CRLS1: variants seen among roughly 807,000 people sequenced by gnomAD.
The protein encoded by CRLS1 is cardiolipin synthase (CMP-forming).
A neutral mutation model predicts 37.0 loss-of-function variants in CRLS1; 24 were observed. The ratio of observed to expected loss-of-function variants is 0.65; its 90% confidence interval spans 0.47 to 0.91. The LOEUF (loss-of-function observed/expected upper bound fraction) is 0.91. Ranked by LOEUF, CRLS1 falls within the 40% of genes least tolerant of loss-of-function variation. The pLI is 0.00. For synonymous variants in CRLS1, 135 were observed against 159.7 expected (o/e 0.85, Z 1.17); for missense variants, 373 against 395.8 (o/e 0.94, Z 0.49).
At position 6,012,215 on chromosome 20, in the gene CRLS1, G is replaced by C. The variant is rs552847524; in HGVS notation, c.444+2303G>C. On this transcript the variant is annotated intron_variant, in intron 2 of 6. Coordinates refer to ENST00000378863, the MANE Select transcript of CRLS1 (RefSeq NM_019095.6). ...TTCAATTGGCCACTGGGAGGTGGTC[G>C]GACTCATCAGTTTAAGCCAGGGAAC... Among the ~76,000 whole-genome samples, 20 of 152,212 alleles carry C rather than the reference G, an allele frequency of 1.3e-4. 1 individual carries two copies. The South Asian group carries it at 3.9e-3, about 30-fold the overall frequency.
intron 6 of CRLS1, 96 bp from the exon 7 acceptor site, chr20:6,036,978 T>A (rs897115467): frequency 7.0e-6 from 6 of 858,610 alleles, no homozygotes; most frequent in East Asian, 2.5e-5. Context: ...AATTCATTTT[T>A]ACATTTTAAA....
chr20:6,011,954 T>C (rs1043922669), intron 2 of CRLS1, among the ~76,000 whole-genome samples: 12 of 151,968 alleles, frequency 7.9e-5, no homozygotes, highest in Admixed American at 7.9e-4. Context: ...AAGGCCATTA[T>C]ACTGATAACA....
intron 6 of CRLS1, among the ~76,000 whole-genome samples, chr20:6,035,689 A>G (rs1980492442): frequency 6.6e-6 from 1 of 152,170 alleles, no homozygotes; most frequent in African/African-American, 2.4e-5. Flanking sequence ...TGGCATGATC[A>G]TAGCTCACTG....
At chr20:6,010,741 G>A (rs944849528) in intron 2 of CRLS1, among the ~76,000 whole-genome samples, 2 of 152,136 alleles carry the variant, frequency 1.3e-5, no homozygotes, top group Non-Finnish European at 2.9e-5. Flanking sequence ...AAAAAGTTTC[G>A]AAATGCATTA....
rs1161298827 is a variant in CRLS1, at chr20:6,011,572, C to CCTTTTTTTT, written c.444+1660_444+1661insCTTTTTTTT. Reference sequence around the variant, plus strand: ...TCTTTCTCCTTTTCTTTTGTCCCTGCTTTTTTTTTTTTTTTTTTTTTTTTT... The same window carrying CCTTTTTTTT: ...TCTTTCTCCTTTTCTTTTGTCCCTGCCTTTTTTTTTTTTTTTTTTTTTTTTTTTTTTTTT... On this transcript the variant is annotated intron_variant, in intron 2 of 6. Coordinates refer to ENST00000378863, the MANE Select transcript of CRLS1 (RefSeq NM_019095.6). 7.9e-4 allele frequency among the ~76,000 whole-genome samples: 22 copies of CCTTTTTTTT among 27,846 alleles called. 3 individuals are homozygous for CCTTTTTTTT. Among genetic ancestry groups the CCTTTTTTTT allele is most frequent in the African/African-American group, 1.7e-3 (17 of 9,812 alleles). The allele number at this position is 27,846 out of a possible 152,430, so 18.3% of individuals were successfully genotyped here. A position where few individuals can be genotyped will look rare whatever the true frequency, so the allele number is the denominator to read the frequency against.
At position 6,030,959 on chromosome 20, in the gene CRLS1, C is replaced by T. The variant is rs534522881; in HGVS notation, c.575-326C>T. On this transcript the variant is annotated intron_variant, in intron 3 of 6. Coordinates refer to ENST00000378863, the MANE Select transcript of CRLS1 (RefSeq NM_019095.6). ...AAGGAGGAGATAGCGCTGAGTAGAG[C>T]TGATGCTGATAACTGCGGACTAATA... Among the ~76,000 whole-genome samples, 6 of 152,136 alleles carry T rather than the reference C, an allele frequency of 3.9e-5. No individual in the cohort carries two copies. The East Asian group carries it at 1.2e-3, about 30-fold the overall frequency.
intron 3 of CRLS1, among the ~76,000 whole-genome samples, chr20:6,029,358 C>CTT (rs11087707): frequency 3.9e-5 from 5 of 127,592 alleles, no homozygotes; most frequent in South Asian, 2.6e-4. Context: ...ATTTGCTGCT[C>CTT]TTTTTTTTTT....
intron 2 of CRLS1, 151 bp downstream of exon 2, chr20:6,010,063 A>G: frequency 6.0e-6 from 4 of 663,822 alleles, no homozygotes; most frequent in Non-Finnish European, 9.1e-6. Flanking sequence ...CTTTGTCTTT[A>G]GCATCTATAT....
chr20:6,013,688 C>G (rs1978514706), intron 2 of CRLS1, among the ~76,000 whole-genome samples: 1 of 152,072 alleles, frequency 6.6e-6, no homozygotes, highest in Non-Finnish European at 1.5e-5. Context: ...ATATGGTAAA[C>G]AAGTGTGGGA....
chr20:6,036,676 C>T (rs1428745320), intron 6 of CRLS1, among the ~76,000 whole-genome samples: 1 of 152,164 alleles, frequency 6.6e-6, no homozygotes, highest in Non-Finnish European at 1.5e-5. Context: ...CTTCCATTTC[C>T]CCCTTCTGGA....
intron 3 of CRLS1, 28 bp from the exon 4 acceptor site, chr20:6,031,238 GTACTCTTCAGAATCCCAGT>G: frequency 7.9e-7 from 1 of 1,269,236 alleles, no homozygotes; most frequent in Non-Finnish European, 1.1e-6. Context: ...ATGCATATTA[GTACTCTTCAGAATCCCAGT>G]TAAAATTATT....
rs1388277068 is a variant in CRLS1 at position 6,027,379 on chromosome 20, CTGTTTTTGTTTGTTTGTT to C, written c.575-3894_575-3877del. ...GGATTACAGGCGTGGGCCACCATGC[CTGTTTTTGTTTGTTTGTT>C]TGTTTTTGTTTTTTGTTTGTTTGTT... On this transcript the variant is annotated intron_variant, in intron 3 of 6. Coordinates refer to ENST00000378863, the MANE Select transcript of CRLS1 (RefSeq NM_019095.6). Among the ~76,000 whole-genome samples the C allele has an allele frequency of 4.0e-5, 6 of 151,492 alleles. No individual in the cohort carries two copies. In the East Asian group the frequency reaches 1.2e-3, roughly 29 times the overall value.
chr20:6,035,812 T>A (rs117558571), intron 6 of CRLS1, among the ~76,000 whole-genome samples: 12,077 of 151,234 alleles, frequency 0.08, 748 homozygotes, highest in African/African-American at 0.17. Flanking sequence ...TTAATTAATT[T>A]ATTTATTTTT....
At chr20:6,019,374 C>CT (rs1246377084) in intron 3 of CRLS1, among the ~76,000 whole-genome samples, 1 of 152,096 alleles carries the variant, frequency 6.6e-6, no homozygotes, top group Admixed American at 6.5e-5. Context: ...TCCTCATTAA[C>CT]TTTATTTATT....
chr20:6,034,308 G>A (rs6139898), intron 5 of CRLS1, among the ~76,000 whole-genome samples, 156 bp from the exon 6 acceptor site: 100,021 of 152,114 alleles, frequency 0.66, 33,271 homozygotes, highest in Middle Eastern at 0.8. Context: ...GCTCACCTGT[G>A]AATGCAAGCT....
chr20:6,030,449 A>G (rs1305097551), intron 3 of CRLS1, among the ~76,000 whole-genome samples: 4 of 152,210 alleles, frequency 2.6e-5, no homozygotes, highest in Middle Eastern at 3.2e-3. Context: ...CACGCTGGGC[A>G]CAATGGCTCA....
chr20:6,033,529 A>C (rs984810488), intron 5 of CRLS1, among the ~76,000 whole-genome samples: 2 of 152,138 alleles, frequency 1.3e-5, no homozygotes, highest in Non-Finnish European at 2.9e-5. Flanking sequence ...TCGCTTTTTC[A>C]TACTTTGCAG....
In CRLS1 at chr20:6,039,603, C is replaced by T. The variant is rs973144163; in HGVS notation, c.*2445C>T. 6 of 152,020 alleles carry T rather than the reference C, an allele frequency of 3.9e-5. No individual in the cohort carries two copies. Among genetic ancestry groups the T allele is most frequent in the Admixed American group, 3.3e-4 (5 of 15,242 alleles). The allele number at this position is 152,020 out of a possible 1,614,324, so 9.4% of individuals were successfully genotyped here. On this transcript the variant is annotated 3_prime_UTR_variant, in exon 7 of 7. Coordinates refer to ENST00000378863, the MANE Select transcript of CRLS1 (RefSeq NM_019095.6). ...TGCTCTTGTGGCTTGAATCGCATCTCCCAAGAAAGATACGTTCACGTTCAA... is the reference window on the plus strand; with the variant it reads ...TGCTCTTGTGGCTTGAATCGCATCTTCCAAGAAAGATACGTTCACGTTCAA...
At chr20:6,012,232 C>T (rs1978378552) in intron 2 of CRLS1, among the ~76,000 whole-genome samples, 1 of 152,086 alleles carries the variant, frequency 6.6e-6, no homozygotes, top group Non-Finnish European at 1.5e-5. Context: ...TCAGTTTAAG[C>T]CAGGGAACGA....
Sources: allele counts gnomAD v4.1 joint callset (sites outside exome capture counted in the v4.1 genomes callset), GRCh38; gene constraint gnomAD v4.1.1; transcripts MANE v1.5; gene names NCBI Gene and HGNC (gene_info 2026-07-23, HGNC 2026-07-21).